UBE2Q2: variants seen among roughly 807,000 people sequenced by gnomAD.
UBE2Q2 encodes ubiquitin-conjugating enzyme E2 Q2.
UBE2Q2 carries 54 observed loss-of-function variants against 59.9 expected under a neutral mutation model. The ratio of observed to expected loss-of-function variants is 0.90; its 90% CI spans 0.72 to 1.13. The LOEUF is 1.13. Ranked by LOEUF, UBE2Q2 falls within the 50% of genes most tolerant of loss-of-function variation. UBE2Q2 has a pLI of 0.00. For synonymous variants in UBE2Q2, 165 were observed against 155.2 expected (o/e 1.06, Z -0.47); for missense variants, 433 against 441.9 (o/e 0.98, Z 0.18).
In UBE2Q2 at chr15:75,876,187, G is replaced by A; in HGVS notation, c.589G>A (p.Gly197Ser). The change falls in exon 6 of 13, where the codon GGT (glycine) becomes AGT (serine). Residue 197 changes from glycine (G) to serine (S), a missense_variant and splice_region_variant. Gly to Ser is a moderately conservative substitution (Grantham distance 56, BLOSUM62 0). Coordinates refer to ENST00000267938, the MANE Select transcript of UBE2Q2 (RefSeq NM_173469.4). ...RKTQRQDHLN[G>S]AVSGSVQASD... ...GTAAACAGTGGCTTTTGTGTTTCAG[G>A]GTGCAGTGTCTGGGTCAGTGCAAGC... 1 of 1,613,824 alleles carries A rather than the reference G, an allele frequency of 6.2e-7. No homozygotes were observed. Among genetic ancestry groups the A allele is most frequent in the Non-Finnish European group, 8.5e-7 (1 of 1,179,894 alleles).
chr15:75,879,221 C>A, intron 8 of UBE2Q2, 33 bp downstream of exon 8: 2 of 1,270,316 alleles, frequency 1.6e-6, no homozygotes, highest in South Asian at 1.3e-5. Context: ...CCATATACTT[C>A]CAGTGGGGTG....
chr15:75,862,740 A>G (rs776338436), intron 3 of UBE2Q2, among the ~76,000 whole-genome samples: 2 of 142,112 alleles, frequency 1.4e-5, no homozygotes, highest in Non-Finnish European at 3.0e-5. Flanking sequence ...AGTTGAGCCT[A>G]TGAGGTTAAG....
At chr15:75,844,082 C>T (rs931651486) in intron 1 of UBE2Q2, 188 of 1,415,788 alleles carry the variant, frequency 1.3e-4, no homozygotes, top group Non-Finnish European at 1.7e-4. Context: ...GGCTTGGGGG[C>T]TTCTGGCCCA....
intron 3 of UBE2Q2, among the ~76,000 whole-genome samples, chr15:75,861,465 T>C (rs565184411): frequency 6.6e-6 from 1 of 152,304 alleles, no homozygotes; most frequent in Non-Finnish European, 1.5e-5. Flanking sequence ...TCACTCATTG[T>C]GCTCAGTACA....
chr15:75,894,146 A>G (rs970187960), intron 11 of UBE2Q2, among the ~76,000 whole-genome samples: 1 of 152,278 alleles, frequency 6.6e-6, no homozygotes. Flanking sequence ...GAGAATAGCA[A>G]TAATGCAATC....
chr15:75,894,536 A>T (rs1378907966), intron 11 of UBE2Q2, among the ~76,000 whole-genome samples: 2 of 152,120 alleles, frequency 1.3e-5, no homozygotes, highest in Admixed American at 1.3e-4. Context: ...GTGAGCTGAG[A>T]TCCAGCCACT....
rs781224030 is a variant in UBE2Q2, at chr15:75,854,383, C to T, written c.181-3C>T. 2 of 1,609,818 alleles carry T rather than the reference C, an allele frequency of 1.2e-6. No homozygotes were observed. The highest frequency in any genetic ancestry group is 1.7e-6 in the Non-Finnish European group (2 of 1,177,574). On this transcript the variant is annotated splice_region_variant and splice_polypyrimidine_tract_variant and intron_variant, in intron 1 of 12. Transcript: ENST00000267938. ...GTTTAACATGTGTCTCTGTGTTAAA[C>T]AGGAATCCTATCCATCTTCTTCACC...
At chr15:75,860,090 T>A in intron 3 of UBE2Q2, 108 bp downstream of exon 3, 1 of 793,370 alleles carries the variant, frequency 1.3e-6, no homozygotes, top group Non-Finnish European at 2.0e-6. Context: ...GAAGTTAGTT[T>A]CATTTTTGTT....
At position 75,900,588 on chromosome 15, in the gene UBE2Q2, T is replaced by C. The variant is rs1899701793; in HGVS notation, c.*1130T>C. 6.6e-6 allele frequency: 1 copy of C among 152,532 alleles called. No homozygotes were observed. The highest frequency in any genetic ancestry group is 2.1e-4 in the South Asian group (1 of 4,832). The allele number at this position is 152,532 out of a possible 1,614,324, so 9.4% of individuals were successfully genotyped here. On this transcript the variant is annotated 3_prime_UTR_variant, in exon 13 of 13. Coordinates refer to ENST00000267938, the MANE Select transcript of UBE2Q2 (RefSeq NM_173469.4). The stretch of plus-strand genomic sequence containing the variant: ...CACTTTTAACAAATCCAGAAGCACA[T>C]TTTTCTGCACAAACAAGTTACAAAG...
intron 2 of UBE2Q2, among the ~76,000 whole-genome samples, chr15:75,857,243 A>C (rs1187050143): frequency 6.6e-6 from 1 of 152,046 alleles, no homozygotes; most frequent in Non-Finnish European, 1.5e-5. Flanking sequence ...AGTGGTAGAC[A>C]TAGTTCTGTT....
In UBE2Q2 at chr15:75,882,838, C is replaced by A. The variant is rs2455896; in HGVS notation, c.826-528C>A. Reference sequence around the variant, plus strand: ...TCTTCAGGGTCCCAACCTAAGGAGCCGGAGACTTAGCAGGGCCTGTCCTCG... The same window carrying A: ...TCTTCAGGGTCCCAACCTAAGGAGCAGGAGACTTAGCAGGGCCTGTCCTCG... On this transcript the variant is annotated intron_variant, in intron 8 of 12. Transcript: ENST00000267938. Among the ~76,000 whole-genome samples, 84 of 152,186 alleles carry A rather than the reference C, an allele frequency of 5.5e-4. 3 individuals carry two copies. In the South Asian group the frequency reaches 0.017, roughly 31 times the overall value.
intron 8 of UBE2Q2, among the ~76,000 whole-genome samples, chr15:75,879,962 C>T (rs755736565): frequency 2.6e-5 from 4 of 152,048 alleles, no homozygotes; most frequent in Admixed American, 6.6e-5. Context: ...GGTATATCTG[C>T]GCAGGCTTCT....
intron 6 of UBE2Q2, among the ~76,000 whole-genome samples, chr15:75,876,488 G>A (rs1360355695): frequency 6.6e-6 from 1 of 152,120 alleles, no homozygotes; most frequent in Non-Finnish European, 1.5e-5. Context: ...GTTTTTATAG[G>A]TCCATTGGAA....
chr15:75,877,159 CAAAAA>C (rs59289858), intron 6 of UBE2Q2, among the ~76,000 whole-genome samples: 1 of 67,666 alleles, frequency 1.5e-5, no homozygotes, highest in African/African-American at 5.7e-5. Flanking sequence ...GAGACTCTGT[CAAAAA>C]AAAAAAAAAA....
intron 11 of UBE2Q2, among the ~76,000 whole-genome samples, chr15:75,896,656 T>C (rs924060597): frequency 2.0e-5 from 3 of 152,234 alleles, no homozygotes; most frequent in African/African-American, 7.2e-5. Context: ...GTTTGAGTTT[T>C]ATTAACATCC....
intron 11 of UBE2Q2, among the ~76,000 whole-genome samples, chr15:75,894,056 C>G (rs1055747444): frequency 1.3e-5 from 2 of 152,152 alleles, no homozygotes; most frequent in African/African-American, 4.8e-5. Flanking sequence ...AAAACAGATA[C>G]TTCTTTCTGG....
At chr15:75,887,079 T>C (rs1315664102) in intron 9 of UBE2Q2, among the ~76,000 whole-genome samples, 1 of 152,082 alleles carries the variant, frequency 6.6e-6, no homozygotes, top group Non-Finnish European at 1.5e-5. Context: ...CACAGTGTTA[T>C]TGTTCTCATT....
chr15:75,876,401 C>T (rs1159226400), intron 6 of UBE2Q2, 130 bp downstream of exon 6: 22 of 778,664 alleles, frequency 2.8e-5, no homozygotes, highest in Non-Finnish European at 4.2e-5. Context: ...GAATGTGAAA[C>T]TCAAATGCAA....
intron 8 of UBE2Q2, among the ~76,000 whole-genome samples, chr15:75,881,106 T>C (rs922456951): frequency 2.0e-5 from 3 of 152,132 alleles, no homozygotes; most frequent in African/African-American, 7.2e-5. Flanking sequence ...TACTAATTCA[T>C]ATGGGGGAAC....
Sources: gnomAD v4.1 joint callset for allele counts (sites outside exome capture counted in the v4.1 genomes callset) on GRCh38, gnomAD v4.1.1 for gene constraint, MANE v1.5 for transcripts, NCBI Gene and HGNC (gene_info 2026-07-23, HGNC 2026-07-21) for gene names.